DNAJC1: variants seen among roughly 807,000 people sequenced by gnomAD.
DNAJC1 encodes dnaJ homolog subfamily C member 1.
In DNAJC1, 58 loss-of-function variants were observed where a neutral mutation model predicts 76.6. The ratio of observed to expected loss-of-function variants is 0.76; its 90% confidence interval spans 0.61 to 0.94. The LOEUF is 0.94. DNAJC1 is among the 40% of genes least tolerant of loss of function. The probability of loss-of-function intolerance (pLI) is 0.00; values close to 1 mark genes in which losing one functional copy is unlikely to be tolerated. For missense variants in DNAJC1, 689 were observed against 677.3 expected, an observed-to-expected ratio of 1.02 and a Z score of -0.19; for synonymous variants, 258 against 267.9, an observed-to-expected ratio of 0.96 and a Z score of 0.36.
intron 1 of DNAJC1, among the ~76,000 whole-genome samples, chr10:21,968,520 T>C (rs941387041): frequency 6.6e-6 from 1 of 151,154 alleles, no homozygotes; most frequent in African/African-American, 2.4e-5. Context: ...TTTTTTTTTC[T>C]TTTTTGAGAC....
intron 8 of DNAJC1, among the ~76,000 whole-genome samples, chr10:21,877,947 G>C (rs1836213767): frequency 6.6e-6 from 1 of 152,106 alleles, no homozygotes; most frequent in Admixed American, 6.6e-5. Flanking sequence ...CAATAAACTA[G>C]AGAAAACAAA....
intron 8 of DNAJC1, among the ~76,000 whole-genome samples, chr10:21,813,809 A>C (rs1185664260): frequency 6.6e-6 from 1 of 152,152 alleles, no homozygotes; most frequent in Non-Finnish European, 1.5e-5. Flanking sequence ...CCCCATCTGT[A>C]ATACACCGCA....
chr10:21,793,477 T>C (rs1202194703), intron 9 of DNAJC1, among the ~76,000 whole-genome samples: 1 of 152,166 alleles, frequency 6.6e-6, no homozygotes, highest in Non-Finnish European at 1.5e-5. Flanking sequence ...CAACAAGATA[T>C]TAAGTAAATA....
chr10:21,979,211 C>T (rs1228147080), intron 1 of DNAJC1, among the ~76,000 whole-genome samples: 1 of 151,864 alleles, frequency 6.6e-6, no homozygotes, highest in Non-Finnish European at 1.5e-5. Flanking sequence ...TAAGTAGTAG[C>T]TGGTTTTGTG....
chr10:21,758,071 A>C (rs1434756837), intron 11 of DNAJC1, among the ~76,000 whole-genome samples: 1 of 152,188 alleles, frequency 6.6e-6, no homozygotes, highest in Non-Finnish European at 1.5e-5. Context: ...CTTCTCAAAT[A>C]TATCAACAGC....
At chr10:21,831,720 G>A (rs1835358804) in intron 8 of DNAJC1, among the ~76,000 whole-genome samples, 1 of 150,610 alleles carries the variant, frequency 6.6e-6, no homozygotes. Flanking sequence ...AACCTAGGAG[G>A]TGGAGCTTGT....
At chr10:21,891,089 C>T (rs1836453293) in intron 7 of DNAJC1, among the ~76,000 whole-genome samples, 1 of 152,076 alleles carries the variant, frequency 6.6e-6, no homozygotes, top group African/African-American at 2.4e-5. Flanking sequence ...ACTCAGGAGG[C>T]TGAGGCAGGA....
intron 1 of DNAJC1, among the ~76,000 whole-genome samples, chr10:21,989,600 C>T (rs1291198972): frequency 6.6e-6 from 1 of 152,028 alleles, no homozygotes; most frequent in Non-Finnish European, 1.5e-5. Context: ...CAATCCACCG[C>T]CTGTGGGGAA....
chr10:21,938,247 C>G (rs1458550543), intron 1 of DNAJC1, among the ~76,000 whole-genome samples: 1 of 151,434 alleles, frequency 6.6e-6, no homozygotes, highest in Non-Finnish European at 1.5e-5. Flanking sequence ...AAACAAATCT[C>G]TAGAGAAGGA....
chr10:21,862,722 C>G (rs1835936048), intron 8 of DNAJC1, among the ~76,000 whole-genome samples: 1 of 152,008 alleles, frequency 6.6e-6, no homozygotes, highest in South Asian at 2.1e-4. Flanking sequence ...AGCCACTGTG[C>G]CCGGTCATAA....
intron 8 of DNAJC1, among the ~76,000 whole-genome samples, chr10:21,845,210 C>T (rs1835636772): frequency 6.6e-6 from 1 of 151,900 alleles, no homozygotes; most frequent in Non-Finnish European, 1.5e-5. Flanking sequence ...TGATAAACTG[C>T]AAATTTGTTT....
intron 8 of DNAJC1, among the ~76,000 whole-genome samples, chr10:21,811,403 A>G (rs996993490): frequency 6.6e-6 from 1 of 152,180 alleles, no homozygotes; most frequent in Non-Finnish European, 1.5e-5. Context: ...GCCCCTTTTA[A>G]GCAAAGGTTC....
At chr10:21,944,791 G>GA (rs929867366) in intron 1 of DNAJC1, among the ~76,000 whole-genome samples, 3 of 152,130 alleles carry the variant, frequency 2.0e-5, no homozygotes, top group African/African-American at 7.2e-5. Context: ...AAACAGGAAA[G>GA]AAAAAATGTT....
chr10:21,848,959 G>A (rs992249333), intron 8 of DNAJC1, among the ~76,000 whole-genome samples: 2 of 152,098 alleles, frequency 1.3e-5, no homozygotes, highest in African/African-American at 4.8e-5. Flanking sequence ...CAAAATGTAT[G>A]AATACAGTGA....
intron 1 of DNAJC1, among the ~76,000 whole-genome samples, chr10:21,953,314 A>G (rs960277796): frequency 9.2e-5 from 14 of 152,022 alleles, no homozygotes; most frequent in Non-Finnish European, 1.5e-4. Flanking sequence ...TTCTTATTAA[A>G]TATCTTTTAC....
chr10:22,000,549 T>C (rs1261338093), intron 1 of DNAJC1, among the ~76,000 whole-genome samples: 2 of 152,276 alleles, frequency 1.3e-5, no homozygotes, highest in African/African-American at 4.8e-5. Flanking sequence ...AAGCAAGCTC[T>C]TGCCTCCTGG....
At chr10:21,938,779 T>C (rs1394488019) in intron 1 of DNAJC1, among the ~76,000 whole-genome samples, 1 of 152,232 alleles carries the variant, frequency 6.6e-6, no homozygotes, top group Non-Finnish European at 1.5e-5. Context: ...CCCACATTTT[T>C]AGGTGTGCCA....
intron 10 of DNAJC1, 134 bp downstream of exon 10, chr10:21,766,127 T>G: frequency 1.4e-6 from 1 of 718,332 alleles, no homozygotes; most frequent in Non-Finnish European, 2.4e-6. Context: ...TCAACCCTTT[T>G]TGGAGATATG....
chr10:21,904,305 A>T (rs1427869272), intron 7 of DNAJC1, among the ~76,000 whole-genome samples: 1 of 152,028 alleles, frequency 6.6e-6, no homozygotes, highest in East Asian at 1.9e-4. Flanking sequence ...AGCTGATTTT[A>T]TCCTTCCTTC....
Sources: allele counts gnomAD v4.1 joint callset (sites outside exome capture counted in the v4.1 genomes callset), GRCh38; gene constraint gnomAD v4.1.1; transcripts MANE v1.5; gene names NCBI Gene and HGNC (gene_info 2026-07-23, HGNC 2026-07-21).